The following PDLIM1 variants were observed in gnomAD, a reference collection of about 807,000 sequenced individuals.
PDLIM1 encodes the protein PDZ and LIM domain 1.
Under a neutral mutation model 35.2 loss-of-function variants are expected in PDLIM1, and 25 were observed. The observed-to-expected ratio is 0.71, with a 90% CI of 0.52 to 0.99. The LOEUF (loss-of-function observed/expected upper bound fraction) is 0.99, where lower values mean the gene tolerates loss of function less well. PDLIM1 is among the 50% of genes least tolerant of loss of function. The pLI is 0.00. For synonymous variants in PDLIM1, 152 were observed against 154.0 expected (o/e 0.99, Z 0.10); for missense variants, 363 against 415.3 (o/e 0.87, Z 1.09).
At chr10:95,241,699 C>T (rs2133408649) in intron 5 of PDLIM1, among the ~76,000 whole-genome samples, 1 of 152,318 alleles carries the variant, frequency 6.6e-6, no homozygotes, top group African/African-American at 2.4e-5. Context: ...CTTATACAGG[C>T]AAAAGCACTA....
chr10:95,274,292 CCTTT>C (rs2035492505), intron 1 of PDLIM1, among the ~76,000 whole-genome samples: 1 of 108,670 alleles, frequency 9.2e-6, no homozygotes, highest in Admixed American at 9.9e-5. Context: ...CCACAGTCAT[CCTTT>C]TTTTTTTTTT....
chr10:95,265,444 A>C (rs2035405362), intron 3 of PDLIM1, among the ~76,000 whole-genome samples: 1 of 151,852 alleles, frequency 6.6e-6, no homozygotes, highest in African/African-American at 2.4e-5. Flanking sequence ...AAAATACAAA[A>C]ATTAGCCAGA....
At chr10:95,242,279 G>A (rs958162937) in intron 5 of PDLIM1, among the ~76,000 whole-genome samples, 2 of 152,146 alleles carry the variant, frequency 1.3e-5, no homozygotes, top group Non-Finnish European at 2.9e-5. Context: ...TTTGGGAGGA[G>A]GCCAAAGTTC....
At chr10:95,286,371 A>C (rs2035602269) in intron 1 of PDLIM1, among the ~76,000 whole-genome samples, 1 of 151,044 alleles carries the variant, frequency 6.6e-6, no homozygotes, top group Non-Finnish European at 1.5e-5. Context: ...AAAAAAAAGT[A>C]GCTCTCATAT....
intron 4 of PDLIM1, among the ~76,000 whole-genome samples, chr10:95,250,843 ATC>A (rs1234707767): frequency 6.6e-5 from 10 of 152,312 alleles, no homozygotes; most frequent in Admixed American, 5.9e-4. Flanking sequence ...GCTGATGTGT[ATC>A]TGTTTCCTAA....
chr10:95,238,678 G>C lies in PDLIM1; in HGVS notation c.693C>G (p.Pro231=). The C allele has an allele frequency of 1.2e-6, 2 of 1,607,168 alleles. No individual in the cohort carries two copies. The highest frequency in any genetic ancestry group is 1.7e-6 in the Non-Finnish European group (2 of 1,173,686). Residue 231 remains proline (P), a synonymous_variant, in exon 6 of 7, where the codon CCC becomes CCG. Transcript: ENST00000329399. ...EILESEEKGD[P]NKPSGFRSVK... ...CACTTCTGAATCCTGAGGGCTTGTTGGGATCCCCTGAAATGAGGAAAACAC... is the reference window on the plus strand; with the variant it reads ...CACTTCTGAATCCTGAGGGCTTGTTCGGATCCCCTGAAATGAGGAAAACAC...
intron 1 of PDLIM1, among the ~76,000 whole-genome samples, chr10:95,277,696 C>G (rs535028398): frequency 6.6e-6 from 1 of 152,098 alleles, no homozygotes; most frequent in Non-Finnish European, 1.5e-5. Context: ...ACAATTTCCA[C>G]TAATGAACAA....
chr10:95,271,497 C>T (rs191587351), intron 2 of PDLIM1, 136 bp downstream of exon 2: 12 of 588,654 alleles, frequency 2.0e-5, no homozygotes, highest in Admixed American at 9.4e-5. Context: ...ATTCCACAGA[C>T]CTTTTGGCAT....
intron 1 of PDLIM1, among the ~76,000 whole-genome samples, chr10:95,289,845 T>A (rs1158871545): frequency 5.3e-5 from 8 of 152,224 alleles, no homozygotes; most frequent in Non-Finnish European, 1.2e-4. Context: ...TTTCTCCCTT[T>A]CCTCATTCGA....
chr10:95,237,835 A>C lies in PDLIM1; in HGVS notation c.*90T>G. Reference sequence around the variant, plus strand: ...AAGCAGAGGGAAAACCAAAGTAAGCAGAGAACTTTCAAGAGAGGAGAGGGC... The same window carrying C: ...AAGCAGAGGGAAAACCAAAGTAAGCCGAGAACTTTCAAGAGAGGAGAGGGC... On this transcript the variant is annotated 3_prime_UTR_variant, in exon 7 of 7. Coordinates refer to ENST00000329399, the MANE Select transcript of PDLIM1 (RefSeq NM_020992.4). 1 of 1,142,908 alleles carries C rather than the reference A, an allele frequency of 8.7e-7. No individual in the cohort carries two copies. The highest frequency in any genetic ancestry group is 1.3e-6 in the Non-Finnish European group (1 of 799,298). 70.8% of individuals were successfully genotyped at this position (1,142,908 alleles called of 1,614,324 possible).
chr10:95,286,629 G>A (rs535434991), intron 1 of PDLIM1, among the ~76,000 whole-genome samples: 82 of 152,228 alleles, frequency 5.4e-4, no homozygotes, highest in Middle Eastern at 3.4e-3. Flanking sequence ...TACTGGAAGC[G>A]AAATAATCCT....
chr10:95,259,126 G>T (rs964822156), intron 4 of PDLIM1, among the ~76,000 whole-genome samples: 2 of 152,118 alleles, frequency 1.3e-5, no homozygotes, highest in African/African-American at 4.8e-5. Flanking sequence ...TATCTTGAGT[G>T]TATTGATGTC....
intron 4 of PDLIM1, among the ~76,000 whole-genome samples, chr10:95,248,591 G>A (rs1024416218): frequency 6.6e-6 from 1 of 152,210 alleles, no homozygotes; most frequent in Non-Finnish European, 1.5e-5. Context: ...TCATGCTGTG[G>A]CTCAATGTAT....
chr10:95,262,358 T>G (rs1409253874), intron 4 of PDLIM1, among the ~76,000 whole-genome samples: 1 of 152,148 alleles, frequency 6.6e-6, no homozygotes, highest in Non-Finnish European at 1.5e-5. Flanking sequence ...CAAAAATTGA[T>G]GATTCCAAGT....
intron 3 of PDLIM1, among the ~76,000 whole-genome samples, chr10:95,265,593 CAAAAAAA>C (rs56893525): frequency 0.2 from 16,774 of 83,946 alleles, 1,290 homozygotes; most frequent in Admixed American, 0.26. Flanking sequence ...GGAACTCTGT[CAAAAAAA>C]AAAAAAAAAA....
At chr10:95,256,986 A>AAGAAAGAAAGAAAGAAAGAAAG (rs566598672) in intron 4 of PDLIM1, among the ~76,000 whole-genome samples, 8 of 61,662 alleles carry the variant, frequency 1.3e-4, no homozygotes, top group Admixed American at 2.0e-4. Flanking sequence ...AAAAAAAAAA[A>AAGAAAGAAAGAAAGAAAGAAAG]AAAGAAAGAA....
At chr10:95,239,373 T>C (rs35449044) in intron 5 of PDLIM1, among the ~76,000 whole-genome samples, 23,127 of 152,184 alleles carry the variant, frequency 0.15, 2,139 homozygotes, top group Middle Eastern at 0.43. Context: ...CTAAAGAGCT[T>C]CTGCACAGCA....
chr10:95,255,376 C>CA (rs1379596014), intron 4 of PDLIM1, among the ~76,000 whole-genome samples: 1 of 144,064 alleles, frequency 6.9e-6, no homozygotes, highest in Non-Finnish European at 1.5e-5. Context: ...AATATTGATG[C>CA]AAAAATACTC....
At chr10:95,288,529 G>A (rs2035621495) in intron 1 of PDLIM1, among the ~76,000 whole-genome samples, 1 of 149,768 alleles carries the variant, frequency 6.7e-6, no homozygotes, top group Admixed American at 6.7e-5. Context: ...CACAGCCAAG[G>A]GCTGGTGCTA....
Sources: allele counts gnomAD v4.1 joint callset (sites outside exome capture counted in the v4.1 genomes callset), GRCh38; gene constraint gnomAD v4.1.1; transcripts MANE v1.5; gene names NCBI Gene and HGNC (gene_info 2026-07-23, HGNC 2026-07-21).